DPH7: variants seen among roughly 807,000 people sequenced by gnomAD.
DPH7 encodes diphthamide biosynthesis 7.
A neutral mutation model predicts 41.7 loss-of-function variants in DPH7; 44 were observed. The ratio of observed to expected loss-of-function variants is 1.05; its 90% CI spans 0.83 to 1.36. The LOEUF (loss-of-function observed/expected upper bound fraction) is 1.36. Ranked by LOEUF, DPH7 falls within the 40% of genes most tolerant of loss-of-function variation. The pLI, the probability that DPH7 is intolerant of heterozygous loss-of-function variation, is 0.00. For missense variants in DPH7, 629 were observed against 577.5 expected, an observed-to-expected ratio of 1.09 and a Z score of -0.91; for synonymous variants, 275 against 238.0, an observed-to-expected ratio of 1.16 and a Z score of -1.43.
intron 8 of DPH7, among the ~76,000 whole-genome samples, chr9:137,563,145 A>G (rs1345184462): frequency 1.3e-5 from 2 of 151,956 alleles, no homozygotes; most frequent in Non-Finnish European, 2.9e-5. Context: ...ACACCATCTC[A>G]AAACAAAACA....
intron 7 of DPH7, 101 bp downstream of exon 7, chr9:137,564,792 G>A: frequency 6.9e-7 from 1 of 1,453,146 alleles, no homozygotes; most frequent in Non-Finnish European, 9.4e-7. Context: ...TGCTGCAATG[G>A]TGCCAGGAGG....
chr9:137,555,834 G>A (rs922598356), intron 8 of DPH7, among the ~76,000 whole-genome samples, 186 bp from the exon 9 acceptor site: 8 of 152,192 alleles, frequency 5.3e-5, no homozygotes, highest in Non-Finnish European at 1.0e-4. Flanking sequence ...GAAACAGACC[G>A]TCATCTTGCA....
rs371193848 is a variant in DPH7 at position 137,576,277 on chromosome 9, C to T, written c.288-110G>A. ...CCCTTAACAACGGGGCTGCAGTCCA[C>T]GCAAACCCAGCTGGGACATCCTACT... On this transcript the variant is annotated intron_variant, in intron 2 of 8. Transcript: ENST00000277540. 71 of 910,990 alleles carry T rather than the reference C, an allele frequency of 7.8e-5. 1 individual carries two copies. The highest frequency in any genetic ancestry group is 6.5e-4 in the South Asian group (47 of 71,828). 56.4% of individuals were successfully genotyped at this position (910,990 alleles called of 1,614,324 possible).
chr9:137,569,445 G>A (rs1275616380), intron 5 of DPH7, among the ~76,000 whole-genome samples: 1 of 97,082 alleles, frequency 1.0e-5, no homozygotes, highest in Non-Finnish European at 2.0e-5. Context: ...CATCCAGCCA[G>A]CCAGTCACTC....
At chr9:137,573,895 GTC>G (rs1324667218) in intron 5 of DPH7, among the ~76,000 whole-genome samples, 1 of 151,730 alleles carries the variant, frequency 6.6e-6, no homozygotes, top group Non-Finnish European at 1.5e-5. Flanking sequence ...GTGAAACCCT[GTC>G]TCTACTAAAA....
Position 137,564,508 on chromosome 9 carries a change from G to T in DPH7, c.875C>A (p.Pro292His). Residue 292 changes from proline to histidine, a missense_variant, in exon 8 of 9, where the codon CCT (proline) becomes CAT (histidine). Coordinates refer to ENST00000277540, the MANE Select transcript of DPH7 (RefSeq NM_138778.5). ...QGGVWRIKWH[P>H]FHHHLLLAAC... ...GGCCAGGAGCAGGTGGTGGTGGAAA[G>T]GGTGCCACTTGATTCTCCATACCCC... 1 of 1,614,162 alleles carries T rather than the reference G, an allele frequency of 6.2e-7. No homozygotes were observed. The highest frequency in any genetic ancestry group is 8.5e-7 in the Non-Finnish European group (1 of 1,180,018).
chr9:137,559,397 AGACCTG>A (rs1838117087), intron 8 of DPH7, among the ~76,000 whole-genome samples: 1 of 152,220 alleles, frequency 6.6e-6, no homozygotes, highest in Non-Finnish European at 1.5e-5. Flanking sequence ...GCTACTTAGC[AGACCTG>A]GAAAGGGAGT....
intron 8 of DPH7, among the ~76,000 whole-genome samples, chr9:137,557,713 G>A (rs1324296758): frequency 2.0e-5 from 3 of 152,106 alleles, no homozygotes; most frequent in South Asian, 2.1e-4. Flanking sequence ...CAGCTACACA[G>A]GAGCCTGAGG....
intron 5 of DPH7, among the ~76,000 whole-genome samples, chr9:137,570,339 A>G (rs532190021): frequency 1.3e-4 from 20 of 152,328 alleles, no homozygotes; most frequent in Non-Finnish European, 2.4e-4. Flanking sequence ...AGGCTTCTTT[A>G]TACGTGAGTC....
Position 137,578,616 on chromosome 9 carries a change from C to A in DPH7, c.153+9G>T. The A allele has an allele frequency of 6.8e-7, 1 of 1,476,116 alleles. No homozygotes were observed. Among genetic ancestry groups the A allele is most frequent in the Non-Finnish European group, 8.9e-7 (1 of 1,120,240 alleles). 91.4% of individuals were successfully genotyped at this position (1,476,116 alleles called of 1,614,324 possible). Reference sequence around the variant, plus strand: ...CCGCCCTCCCCTCCCGAAGCCGCGGCGCGCGCACCTTGTTCTGGGGGCCGG... The same window carrying A: ...CCGCCCTCCCCTCCCGAAGCCGCGGAGCGCGCACCTTGTTCTGGGGGCCGG... On this transcript the variant is annotated intron_variant, in intron 1 of 8. Coordinates refer to ENST00000277540, the MANE Select transcript of DPH7 (RefSeq NM_138778.5).
chr9:137,574,101 G>T, intron 5 of DPH7, 107 bp downstream of exon 5: 1 of 1,221,400 alleles, frequency 8.2e-7, no homozygotes, highest in Non-Finnish European at 1.2e-6. Flanking sequence ...AGGTCTTCAA[G>T]ATCCCAACAT....
Position 137,564,479 on chromosome 9 carries a change from A to T in DPH7, c.904T>A (p.Cys302Ser), listed in dbSNP as rs755207025. 6.2e-7 allele frequency: 1 copy of T among 1,614,118 alleles called. No individual in the cohort carries two copies. The highest frequency in any genetic ancestry group is 1.3e-5 in the African/African-American group (1 of 75,056). Residue 302 changes from cysteine (C) to serine (S), a missense_variant, in exon 8 of 9, where the codon TGC becomes AGC. Transcript: ENST00000277540. ...AGGATCTTAAAGCCACTGTGCATGC[A>T]GGCGGCCAGGAGCAGGTGGTGGTGG... is the stretch of plus-strand genomic sequence containing the variant. ...PFHHHLLLAACMHSGFKILNC... is the reference protein window; with the variant it reads ...PFHHHLLLAASMHSGFKILNC...
rs949230857 is a variant in DPH7 at position 137,574,151 on chromosome 9, C to G, written c.640+57G>C. ...CTGTGGCACAGGCCTCCCTCTCTCC[C>G]TCCGCCCCTTCCTCAGCAAGCCTTC... On this transcript the variant is annotated intron_variant, in intron 5 of 8. Transcript: ENST00000277540. 1.9e-6 allele frequency: 3 copies of G among 1,568,368 alleles called. No individual in the cohort carries two copies. The African/African-American group carries it at 4.0e-5, about 21-fold the overall frequency.
chr9:137,571,619 C>A (rs145371387), intron 5 of DPH7, among the ~76,000 whole-genome samples: 248 of 152,050 alleles, frequency 1.6e-3, no homozygotes, highest in African/African-American at 5.6e-3. Flanking sequence ...AAAACCGCAT[C>A]TCTACTAAAA....
rs574659474 is a variant in DPH7 at position 137,558,747 on chromosome 9, A to T, written c.950-3099T>A. On this transcript the variant is annotated intron_variant, in intron 8 of 8. Transcript: ENST00000277540. Reference sequence around the variant, plus strand: ...TTTTGAATGTCTTCTTTTATTTTTTATTTTTTTTGAGACGGAGTGTCACTG... The same window carrying T: ...TTTTGAATGTCTTCTTTTATTTTTTTTTTTTTTTGAGACGGAGTGTCACTG... Among the ~76,000 whole-genome samples, 69 of 152,014 alleles carry T rather than the reference A, an allele frequency of 4.5e-4. 1 individual carries two copies. In the East Asian group the frequency reaches 4.7e-3, roughly 10 times the overall value.
rs1485872124 is a variant in DPH7 at position 137,571,572 on chromosome 9, G to A, written c.640+2636C>T. On this transcript the variant is annotated intron_variant, in intron 5 of 8. Coordinates refer to ENST00000277540, the MANE Select transcript of DPH7 (RefSeq NM_138778.5). Reference sequence around the variant, plus strand: ...GGAGGCTGAGGCAGGTAGATCGCTTGAGCCTAGGCATTCGAGACCAGCCTG... The same window carrying A: ...GGAGGCTGAGGCAGGTAGATCGCTTAAGCCTAGGCATTCGAGACCAGCCTG... Among the ~76,000 whole-genome samples the A allele has an allele frequency of 2.0e-5, 3 of 152,130 alleles. No homozygotes were observed. In the East Asian group the frequency reaches 5.8e-4, roughly 30 times the overall value.
intron 2 of DPH7, 37 bp from the exon 3 acceptor site, chr9:137,576,204 C>T: frequency 6.3e-7 from 1 of 1,588,504 alleles, no homozygotes; most frequent in Non-Finnish European, 8.6e-7. Flanking sequence ...ACCAATGTGC[C>T]CGGAGCACAG....
At chr9:137,564,872 G>A (rs780654362) in intron 7 of DPH7, 21 bp downstream of exon 7, 29 of 1,581,972 alleles carry the variant, frequency 1.8e-5, no homozygotes, top group Middle Eastern at 1.8e-4. Flanking sequence ...AGAAGGGCCC[G>A]AGAGCCTCCT....
At chr9:137,571,546 G>A (rs1352920895) in intron 5 of DPH7, among the ~76,000 whole-genome samples, 1 of 151,988 alleles carries the variant, frequency 6.6e-6, no homozygotes, top group Non-Finnish European at 1.5e-5. Context: ...TCCCAACACT[G>A]GGAGGCTGAG....
Sources: gnomAD v4.1 joint callset for allele counts (sites outside exome capture counted in the v4.1 genomes callset) on GRCh38, gnomAD v4.1.1 for gene constraint, MANE v1.5 for transcripts, NCBI Gene and HGNC (gene_info 2026-07-23, HGNC 2026-07-21) for gene names.